ANKRD36C: variants seen among roughly 807,000 people sequenced by gnomAD.
The protein encoded by ANKRD36C is ankyrin repeat domain 36C.
ANKRD36C carries 61 observed loss-of-function variants against 276.4 expected under a neutral mutation model. The ratio of observed to expected loss-of-function variants is 0.22; its 90% CI spans 0.18 to 0.27. The LOEUF (loss-of-function observed/expected upper bound fraction) is 0.27, where lower values mean the gene tolerates loss of function less well. Among genes scored for constraint, ANKRD36C ranks in the 10% least tolerant of loss-of-function variants. ANKRD36C has a pLI of 1.00. For missense variants in ANKRD36C, 1,447 were observed against 2,032.3 expected, an observed-to-expected ratio of 0.71 and a Z score of 5.54; for synonymous variants, 483 against 680.1, an observed-to-expected ratio of 0.71 and a Z score of 4.51.
intron 38 of ANKRD36C, among the ~76,000 whole-genome samples, chr2:95,914,691 A>G (rs1294110156): frequency 1.3e-5 from 2 of 151,498 alleles, no homozygotes; most frequent in African/African-American, 2.4e-5. Context: ...ACAGGAAATC[A>G]AAAGGATTTA....
In ANKRD36C at chr2:95,876,755, T is replaced by G. The variant is rs1207182166; in HGVS notation, c.3470-246A>C. 3.6e-5 allele frequency among the ~76,000 whole-genome samples: 5 copies of G among 139,280 alleles called. No homozygotes were observed. In the East Asian group the frequency reaches 9.6e-4, roughly 27 times the overall value. 91.4% of individuals were successfully genotyped at this position (139,280 alleles called of 152,430 possible). ...TAGTCCCAGCTAGTCGGGAGGCTGGTGCAGGAGAATGGCGTGAGCCCGGGA... is the reference window on the plus strand; with the variant it reads ...TAGTCCCAGCTAGTCGGGAGGCTGGGGCAGGAGAATGGCGTGAGCCCGGGA... On this transcript the variant is annotated intron_variant, in intron 58 of 66. Transcript: ENST00000456556.
At chr2:95,867,773 T>C (rs1331562044) in intron 59 of ANKRD36C, among the ~76,000 whole-genome samples, 192 bp from the exon 80 acceptor site, 2 of 150,970 alleles carry the variant, frequency 1.3e-5, no homozygotes, top group East Asian at 3.9e-4. Context: ...GATAAATTAG[T>C]TTCCCAGTTC....
chr2:95,976,338 A>T (rs1278585757), intron 6 of ANKRD36C, among the ~76,000 whole-genome samples: 1 of 152,164 alleles, frequency 6.6e-6, no homozygotes, highest in African/African-American at 2.4e-5. Context: ...ATGTCTGTAG[A>T]CTACTTCTGA....
intron 3 of ANKRD36C, among the ~76,000 whole-genome samples, chr2:95,984,202 A>G (rs1267365892): frequency 1.3e-5 from 2 of 151,716 alleles, no homozygotes; most frequent in Non-Finnish European, 2.9e-5. Flanking sequence ...AAAATATATT[A>G]TAAAACAGGG....
chr2:95,888,231 G>A (rs1676249639), intron 48 of ANKRD36C, 111 bp from the exon 69 acceptor site: 2 of 1,548,390 alleles, frequency 1.3e-6, no homozygotes, highest in Admixed American at 3.6e-5. Context: ...ATTAGTATAG[G>A]CTTTGATGTT....
intron 40 of ANKRD36C, among the ~76,000 whole-genome samples, chr2:95,912,706 G>A (rs995209418): frequency 1.3e-5 from 2 of 151,388 alleles, no homozygotes; most frequent in Non-Finnish European, 3.0e-5. Context: ...TATCAATGTG[G>A]ATATGCTGAG....
chr2:95,934,138 C>T (rs1235115274), intron 24 of ANKRD36C, among the ~76,000 whole-genome samples: 3 of 152,172 alleles, frequency 2.0e-5, no homozygotes, highest in Non-Finnish European at 4.4e-5. Flanking sequence ...AATAGGAACG[C>T]TTTTATATTG....
chr2:95,936,457 G>A (rs993072513), intron 22 of ANKRD36C, among the ~76,000 whole-genome samples: 2 of 152,260 alleles, frequency 1.3e-5, no homozygotes, highest in African/African-American at 4.8e-5. Flanking sequence ...CTAACATGAA[G>A]CACCTGTCCT....
At chr2:95,896,075 C>T (rs1053332077) in intron 44 of ANKRD36C, among the ~76,000 whole-genome samples, 26 of 148,110 alleles carry the variant, frequency 1.8e-4, no homozygotes, top group African/African-American at 5.2e-4. Flanking sequence ...TCCAGCTGAA[C>T]GTACACTTAA....
At chr2:95,892,220 T>A (rs926638680) in intron 44 of ANKRD36C, among the ~76,000 whole-genome samples, 9 of 151,490 alleles carry the variant, frequency 5.9e-5, no homozygotes, top group Non-Finnish European at 1.3e-4. Context: ...TGCTACATGA[T>A]CCCACATGTC....
chr2:95,927,250 C>G (rs1232954652), exon 28 of ANKRD36C: 1 of 1,610,178 alleles, frequency 6.2e-7, no homozygotes, highest in South Asian at 1.1e-5. Flanking sequence ...ATTTCTGTGG[C>G]TATATTTGAA....
Position 95,886,293 on chromosome 2 carries a change from G to T in ANKRD36C, c.3062-49C>A, listed in dbSNP as rs765661796. 2.2e-5 allele frequency: 29 copies of T among 1,321,046 alleles called. 2 individuals carry two copies. Among genetic ancestry groups the T allele is most frequent in the Non-Finnish European group, 2.7e-5 (26 of 966,094 alleles). 81.8% of individuals were successfully genotyped at this position (1,321,046 alleles called of 1,614,324 possible). ...ATCACTCATATGTGCATATGATAAAGTTATTCAAACATTCATGCAGTGTTA... is the reference window on the plus strand; with the variant it reads ...ATCACTCATATGTGCATATGATAAATTTATTCAAACATTCATGCAGTGTTA... On this transcript the variant is annotated intron_variant, in intron 50 of 66. Transcript: ENST00000456556.
rs554166072 is a variant in ANKRD36C, at chr2:95,896,183, T to A, written c.2755+2962A>T. ...CATTATCTCTCACACCCATGTAGTG[T>A]AATAATTTGCCTAAGTTTCATGTAT... On this transcript the variant is annotated intron_variant, in intron 44 of 66. Coordinates refer to ENST00000456556, the Ensembl canonical transcript of ANKRD36C. Among the ~76,000 whole-genome samples the A allele has an allele frequency of 8.1e-5, 12 of 148,728 alleles. No homozygotes were observed. The East Asian group carries it at 2.2e-3, about 27-fold the overall frequency.
intron 13 of ANKRD36C, 52 bp downstream of exon 13, chr2:95,956,734 C>G (rs1244333888): frequency 4.1e-6 from 6 of 1,479,218 alleles, no homozygotes; most frequent in East Asian, 2.5e-5. Flanking sequence ...AGTTTCTATT[C>G]TCTCTATTAA....
In ANKRD36C at chr2:95,902,866, A is replaced by G; in HGVS notation, c.2654-3530T>C. The G allele has an allele frequency of 1.3e-6, 2 of 1,553,904 alleles. No individual in the cohort carries two copies. Among genetic ancestry groups the G allele is most frequent in the African/African-American group, 1.4e-5 (1 of 73,318 alleles). On this transcript the variant is annotated intron_variant, in intron 42 of 66. Coordinates refer to ENST00000456556, the Ensembl canonical transcript of ANKRD36C. The stretch of plus-strand genomic sequence containing the variant: ...ATCTATCTGGACTGAACATGACATT[A>G]AATCTCTTTTCAAAATTACCTCTCC...
chr2:95,973,052 G>A (rs1334726540), intron 6 of ANKRD36C, among the ~76,000 whole-genome samples: 1 of 151,980 alleles, frequency 6.6e-6, no homozygotes, highest in Non-Finnish European at 1.5e-5. Flanking sequence ...TGAGGCTGCA[G>A]TGGAGATTGT....
intron 42 of ANKRD36C, 117 bp downstream of exon 46, chr2:95,910,256 T>G: frequency 8.3e-7 from 1 of 1,201,038 alleles, no homozygotes; most frequent in Non-Finnish European, 1.1e-6. Context: ...ATGAAGAATC[T>G]CCGGCCTGCT....
intron 6 of ANKRD36C, among the ~76,000 whole-genome samples, chr2:95,967,541 G>A (rs187686205): frequency 6.6e-6 from 1 of 152,180 alleles, no homozygotes; most frequent in South Asian, 2.1e-4. Context: ...CTGTTGGTGG[G>A]AGTGTCAATT....
At chr2:95,922,928 G>A (rs533659320) in intron 32 of ANKRD36C, among the ~76,000 whole-genome samples, 2 of 151,718 alleles carry the variant, frequency 1.3e-5, no homozygotes, top group East Asian at 3.9e-4. Flanking sequence ...TCTTTTTTGT[G>A]TAAATATGCT....
Sources: gnomAD v4.1 joint callset for allele counts (sites outside exome capture counted in the v4.1 genomes callset) on GRCh38, gnomAD v4.1.1 for gene constraint, MANE v1.5 for transcripts, NCBI Gene and HGNC (gene_info 2026-07-23, HGNC 2026-07-21) for gene names.